GLB1: variants seen among roughly 807,000 people sequenced by gnomAD.
The protein encoded by GLB1 is galactosidase beta 1, also known as beta-galactosidase.
Under a neutral mutation model 74.0 loss-of-function variants are expected in GLB1, and 56 were observed. The ratio of observed to expected loss-of-function variants is 0.76; its 90% CI spans 0.61 to 0.94. The LOEUF (loss-of-function observed/expected upper bound fraction) is 0.94, where lower values mean the gene tolerates loss of function less well. GLB1 is among the 40% of genes least tolerant of loss of function. The pLI is 0.00. For synonymous variants in GLB1, 323 were observed against 323.6 expected, an observed-to-expected ratio of 1.00 and a Z score of 0.02; for missense variants, 787 against 845.5, an observed-to-expected ratio of 0.93 and a Z score of 0.86.
the GLB1 span, among the ~76,000 whole-genome samples, chr3:32,978,182 G>A: frequency 6.6e-6 from 1 of 152,192 alleles, no homozygotes; most frequent in African/African-American, 2.4e-5. Context: ...GTTTGGGTGA[G>A]AGAACTGTCT....
the GLB1 span, among the ~76,000 whole-genome samples, chr3:32,964,667 T>C: frequency 2.0e-5 from 3 of 152,354 alleles, no homozygotes; most frequent in South Asian, 6.2e-4. Context: ...CATGTACCTA[T>C]TTTATGATCC....
At chr3:32,979,298 A>G in the GLB1 span, among the ~76,000 whole-genome samples, 112,379 of 151,978 alleles carry the variant, frequency 0.74, 43,684 homozygotes, top group East Asian at 0.93. Context: ...TTCCTAATAA[A>G]GAAAGATTTC....
the GLB1 span, among the ~76,000 whole-genome samples, chr3:32,981,152 T>C: frequency 7.9e-6 from 1 of 126,918 alleles, no homozygotes; most frequent in East Asian, 2.8e-4. Flanking sequence ...ACTACTGTAA[T>C]CCAACACTTT....
the GLB1 span, among the ~76,000 whole-genome samples, chr3:32,973,097 C>T: frequency 6.6e-6 from 1 of 152,206 alleles, no homozygotes; most frequent in Admixed American, 6.5e-5. Context: ...CCACGAAATG[C>T]TTAAAAGGTA....
intron 10 of GLB1, chr3:33,045,856 C>G (rs34840292): frequency 1.1e-6 from 1 of 906,082 alleles, no homozygotes; most frequent in East Asian, 5.3e-5. Flanking sequence ...AGAAGTGAAT[C>G]TGTAAGTAGC....
At chr3:32,983,435 C>A in the GLB1 span, among the ~76,000 whole-genome samples, 1 of 152,300 alleles carries the variant, frequency 6.6e-6, no homozygotes, top group South Asian at 2.1e-4. Context: ...TTTGCAGTTT[C>A]AAAAGTGCTA....
the GLB1 span, among the ~76,000 whole-genome samples, chr3:32,979,863 A>G: frequency 7.4e-5 from 11 of 148,874 alleles, no homozygotes; most frequent in South Asian, 6.3e-4. Context: ...AAAAAAAAAA[A>G]AAAAAAAAAA....
At chr3:33,088,406 CACACAA>C (rs1700617478) in intron 1 of GLB1, among the ~76,000 whole-genome samples, 1 of 124,900 alleles carries the variant, frequency 8.0e-6, no homozygotes, top group Non-Finnish European at 1.8e-5. Context: ...CACACACACA[CACACAA>C]ACTGTTAGAA....
chr3:33,059,871 G>A (rs1699373776), intron 5 of GLB1, among the ~76,000 whole-genome samples: 1 of 152,172 alleles, frequency 6.6e-6, no homozygotes, highest in Admixed American at 6.5e-5. Context: ...TTGTGATCCT[G>A]GGAATACATG....
At chr3:33,062,888 C>G (rs563243850) in intron 5 of GLB1, among the ~76,000 whole-genome samples, 1 of 152,164 alleles carries the variant, frequency 6.6e-6, no homozygotes, top group African/African-American at 2.4e-5. Flanking sequence ...CAGAGCCGTT[C>G]GGTGGGTATG....
At chr3:32,993,259 TAAAC>T (rs541320756), downstream of GLB1, among the ~76,000 whole-genome samples, 80 of 152,226 alleles carry the variant, frequency 5.3e-4, no homozygotes, top group East Asian at 5.8e-3. Context: ...GAAACAAAGA[TAAAC>T]AGACTGACAA....
At chr3:33,042,414 C>G (rs904401377) in intron 10 of GLB1, among the ~76,000 whole-genome samples, 8 of 142,778 alleles carry the variant, frequency 5.6e-5, no homozygotes, top group Non-Finnish European at 4.5e-5. Flanking sequence ...GTCGCCCAGG[C>G]TGGAGTGCAG....
Position 32,996,632 on chromosome 3 carries a change from A to G in GLB1, c.*413T>C. ...CTATTTTCCATCCTTTTGAACTTCA[A>G]GTTAGTGAAGTGGTTTATTCAGCCC... On this transcript the variant is annotated 3_prime_UTR_variant, in exon 16 of 16. Transcript: ENST00000307363. The G allele has an allele frequency of 4.0e-6, 1 of 249,368 alleles. No homozygotes were observed. Among genetic ancestry groups the G allele is most frequent in the Non-Finnish European group, 7.9e-6 (1 of 126,758 alleles). 15.4% of individuals were successfully genotyped at this position (249,368 alleles called of 1,614,324 possible).
chr3:33,052,059 AG>A, intron 7 of GLB1, 55 bp from the exon 8 acceptor site: 1 of 1,605,928 alleles, frequency 6.2e-7, no homozygotes, highest in Non-Finnish European at 8.5e-7. Flanking sequence ...TTCCAATGCC[AG>A]GGCTTCCCTG....
the GLB1 span, among the ~76,000 whole-genome samples, chr3:32,967,557 G>A: frequency 6.6e-6 from 1 of 152,288 alleles, no homozygotes; most frequent in South Asian, 2.1e-4. Context: ...ATGCTTAAAA[G>A]GTAACTTAAC....
At chr3:32,961,676 A>G in the GLB1 span, among the ~76,000 whole-genome samples, 2 of 152,246 alleles carry the variant, frequency 1.3e-5, no homozygotes, top group African/African-American at 2.4e-5. Flanking sequence ...AAATACTGAG[A>G]AAAATGACAC....
intron 9 of GLB1, among the ~76,000 whole-genome samples, chr3:33,050,967 G>A (rs886765589): frequency 6.6e-6 from 1 of 152,120 alleles, no homozygotes; most frequent in Non-Finnish European, 1.5e-5. Flanking sequence ...AGTGGCTCAC[G>A]CCTGTAATCC....
intron 15 of GLB1, among the ~76,000 whole-genome samples, chr3:33,000,230 C>T (rs1442517801): frequency 6.6e-6 from 1 of 152,170 alleles, no homozygotes; most frequent in African/African-American, 2.4e-5. Context: ...CATGAGCCAC[C>T]TCGCCTGGCC....
rs201071956 is a variant in GLB1, at chr3:33,031,791, CT to C, written c.1069-7467del. Among the ~76,000 whole-genome samples, 275 of 150,566 alleles carry C rather than the reference CT, an allele frequency of 1.8e-3. 2 individuals are homozygous for C. The East Asian group carries it at 0.045, about 25-fold the overall frequency. ...ATAAGCTATTGAATTACATTCATTTCTTTTTTTGTTTTGTTTTGTTTTTGAG... is the reference window on the plus strand; with the variant it reads ...ATAAGCTATTGAATTACATTCATTTCTTTTTTGTTTTGTTTTGTTTTTGAG... On this transcript the variant is annotated intron_variant, in intron 10 of 15. Coordinates refer to ENST00000307363, the MANE Select transcript of GLB1 (RefSeq NM_000404.4).
Sources: allele counts gnomAD v4.1 joint callset (sites outside exome capture counted in the v4.1 genomes callset), GRCh38; gene constraint gnomAD v4.1.1; transcripts MANE v1.5; gene names NCBI Gene and HGNC (gene_info 2026-07-23, HGNC 2026-07-21).